Variants in LAMB4 observed in about 807,000 individuals in gnomAD.
The protein encoded by LAMB4 is laminin subunit beta-4.
Under a neutral mutation model 199.2 loss-of-function variants are expected in LAMB4, and 196 were observed. The ratio of observed to expected loss-of-function variants is 0.98; its 90% CI spans 0.88 to 1.11. LAMB4 has a LOEUF of 1.11. Among genes scored for constraint, LAMB4 ranks in the 50% least tolerant of loss-of-function variants. The pLI, the probability that LAMB4 is intolerant of heterozygous loss-of-function variation, is 0.00. For synonymous variants in LAMB4, 744 were observed against 770.6 expected (o/e 0.97, Z 0.57); for missense variants, 2,080 against 2,171.2 (o/e 0.96, Z 0.83).
intron 28 of LAMB4, among the ~76,000 whole-genome samples, chr7:108,046,449 T>C (rs748808075): frequency 1.3e-5 from 2 of 151,946 alleles, no homozygotes; most frequent in African/African-American, 2.4e-5. Flanking sequence ...ATTCAACATA[T>C]AGTGGTAAAA....
At chr7:108,086,465 T>C (rs2037180342) in intron 14 of LAMB4, among the ~76,000 whole-genome samples, 1 of 152,148 alleles carries the variant, frequency 6.6e-6, no homozygotes, top group Admixed American at 6.5e-5. Context: ...TATATAAAAC[T>C]GAAAAAAATT....
intron 15 of LAMB4, among the ~76,000 whole-genome samples, chr7:108,078,847 CT>C (rs1286427124): frequency 6.6e-6 from 1 of 152,190 alleles, no homozygotes; most frequent in Non-Finnish European, 1.5e-5. Flanking sequence ...AGTTCCTTGG[CT>C]TTCACTTGTA....
intron 12 of LAMB4, among the ~76,000 whole-genome samples, chr7:108,092,676 CG>C (rs909335260): frequency 3.3e-5 from 5 of 152,056 alleles, no homozygotes; most frequent in African/African-American, 1.2e-4. Context: ...GAGGCCGAGA[CG>C]GGTGGATCAC....
At chr7:108,127,796 A>T (rs1391277106) in intron 1 of LAMB4, among the ~76,000 whole-genome samples, 1 of 152,182 alleles carries the variant, frequency 6.6e-6, no homozygotes, top group Non-Finnish European at 1.5e-5. Context: ...ATGGCTCCTC[A>T]GTAGTAAGAC....
chr7:108,105,634 T>C (rs2037975900), intron 8 of LAMB4, among the ~76,000 whole-genome samples, 183 bp downstream of exon 8: 1 of 152,146 alleles, frequency 6.6e-6, no homozygotes, highest in African/African-American at 2.4e-5. Context: ...CACAAGCACT[T>C]GTGGCTGGAG....
chr7:108,095,757 T>C (rs2037571687), intron 11 of LAMB4, among the ~76,000 whole-genome samples: 1 of 152,194 alleles, frequency 6.6e-6, no homozygotes. Context: ...AGTACTTTGT[T>C]ACTTTTTGTC....
intron 23 of LAMB4, among the ~76,000 whole-genome samples, chr7:108,059,264 C>T (rs1210803078): frequency 6.6e-6 from 1 of 151,980 alleles, no homozygotes; most frequent in African/African-American, 2.4e-5. Context: ...CACCACCATG[C>T]CTGGCTAATT....
At chr7:108,051,761 G>C (rs1425216114) in intron 26 of LAMB4, among the ~76,000 whole-genome samples, 1 of 151,778 alleles carries the variant, frequency 6.6e-6, no homozygotes, top group African/African-American at 2.4e-5. Flanking sequence ...ATATAAACAT[G>C]TCTCTCTCAT....
chr7:108,087,261 C>G (rs2037217251), intron 14 of LAMB4, among the ~76,000 whole-genome samples: 1 of 152,174 alleles, frequency 6.6e-6, no homozygotes, highest in South Asian at 2.1e-4. Flanking sequence ...CTCCTTCCCA[C>G]TACAATGAGG....
chr7:108,051,258 A>C (rs1248461885), intron 26 of LAMB4, among the ~76,000 whole-genome samples: 1 of 152,182 alleles, frequency 6.6e-6, no homozygotes, highest in Admixed American at 6.5e-5. Flanking sequence ...AAATTTAGGC[A>C]TCCCTTTAGG....
intron 25 of LAMB4, among the ~76,000 whole-genome samples, chr7:108,053,181 T>C (rs939257159): frequency 2.6e-5 from 4 of 152,206 alleles, no homozygotes; most frequent in African/African-American, 9.7e-5. Flanking sequence ...TCTTGAGTAA[T>C]TCTCACAAGA....
chr7:108,092,291 T>C (rs2037437666), intron 13 of LAMB4, 46 bp downstream of exon 13: 1 of 1,483,014 alleles, frequency 6.7e-7, no homozygotes, highest in South Asian at 1.1e-5. Context: ...AAAATGTGCT[T>C]TTATGTTTAA....
the LAMB4 span, among the ~76,000 whole-genome samples, chr7:108,013,428 G>A: frequency 5.3e-5 from 8 of 152,198 alleles, no homozygotes; most frequent in East Asian, 1.9e-4. Flanking sequence ...AAAAGTGGGC[G>A]GTTTGCTATG....
Position 108,122,958 on chromosome 7 carries a change from A to G in LAMB4, c.34+173T>C, listed in dbSNP as rs2038651128. Among the ~76,000 whole-genome samples the G allele has an allele frequency of 2.0e-5, 3 of 152,238 alleles. 1 individual carries two copies. In the South Asian group the frequency reaches 6.2e-4, roughly 32 times the overall value. ...AGAAATAGCTATATGTGGATACTAAACATGTTGGAGTGGAATTTTTCAGTT... is the reference window on the plus strand; with the variant it reads ...AGAAATAGCTATATGTGGATACTAAGCATGTTGGAGTGGAATTTTTCAGTT... On this transcript the variant is annotated intron_variant, in intron 2 of 33. Transcript: ENST00000388781.
intron 22 of LAMB4, among the ~76,000 whole-genome samples, chr7:108,063,468 C>G (rs2036234351): frequency 6.6e-6 from 1 of 152,178 alleles, no homozygotes; most frequent in African/African-American, 2.4e-5. Flanking sequence ...GAACTGCGGA[C>G]TAAACTCTGA....
At chr7:108,076,880 T>A in intron 17 of LAMB4, 64 bp downstream of exon 17, 1 of 1,555,644 alleles carries the variant, frequency 6.4e-7, no homozygotes, top group South Asian at 1.2e-5. Flanking sequence ...ACTAGTGAGT[T>A]TAAAAGTAGT....
chr7:108,014,170 G>C, the LAMB4 span, among the ~76,000 whole-genome samples: 3 of 152,142 alleles, frequency 2.0e-5, no homozygotes, highest in South Asian at 6.2e-4. Flanking sequence ...ATAGTTTCTT[G>C]TGGATGTATT....
chr7:108,013,379 G>T, the LAMB4 span, among the ~76,000 whole-genome samples: 4 of 152,192 alleles, frequency 2.6e-5, no homozygotes, highest in African/African-American at 9.7e-5. Flanking sequence ...ATGTTAAAGA[G>T]CATATCACAT....
rs1166385043 is a variant in LAMB4 at position 108,063,763 on chromosome 7, C to T, written c.3059G>A (p.Arg1020Lys). ...CCCTGGGAGTTTTGCAGACTTACTT[C>T]TGCAGGTCTGATTGAGGGCTGATCC... The part of the protein sequence containing the change: ...HYGSALNQTC[R>K]RCSCHASGVS... The change falls in exon 22 of 34, where the codon AGA (arginine) becomes AAA (lysine). Residue 1020 changes from arginine to lysine, a missense_variant and splice_region_variant. Arg to Lys is a conservative substitution (Grantham distance 26). Coordinates refer to ENST00000388781, the MANE Select transcript of LAMB4 (RefSeq NM_007356.3). 6.2e-7 allele frequency: 1 copy of T among 1,613,290 alleles called. No homozygotes were observed. The highest frequency in any genetic ancestry group is 8.5e-7 in the Non-Finnish European group (1 of 1,179,228).
Sources: gnomAD v4.1 joint callset for allele counts (sites outside exome capture counted in the v4.1 genomes callset) on GRCh38, gnomAD v4.1.1 for gene constraint, MANE v1.5 for transcripts, NCBI Gene and HGNC (gene_info 2026-07-23, HGNC 2026-07-21) for gene names.